Variants in OTOGL observed in about 807,000 individuals in gnomAD.
OTOGL encodes the protein otogelin like.
OTOGL carries 285 observed loss-of-function variants against 318.5 expected under a neutral mutation model. The ratio of observed to expected loss-of-function variants is 0.89; its 90% confidence interval spans 0.81 to 0.99. The LOEUF is 0.99. OTOGL is among the 50% of genes least tolerant of loss of function. The probability of loss-of-function intolerance (pLI) is 0.00; values close to 1 mark genes in which losing one functional copy is unlikely to be tolerated. For synonymous variants in OTOGL, 987 were observed against 936.5 expected, an observed-to-expected ratio of 1.05 and a Z score of -0.99; for missense variants, 2,899 against 2,845.6, an observed-to-expected ratio of 1.02 and a Z score of -0.43.
chr12:80,152,945 C>T lies in OTOGL; in HGVS notation c.-20+53340C>T, dbSNP rs575332369. On this transcript the variant is annotated intron_variant, in intron 1 of 58. Transcript: ENST00000547103. ...GTAACCTCAGGTGGTCCACCTGCCT[C>T]GGCCTCCCAAAGTGCTGGGATTACA... 1.6e-4 allele frequency among the ~76,000 whole-genome samples: 24 copies of T among 152,330 alleles called. No homozygotes were observed. The East Asian group carries it at 3.9e-3, about 24-fold the overall frequency.
chr12:80,124,460 G>T (rs1465859755), intron 1 of OTOGL, among the ~76,000 whole-genome samples: 2 of 152,196 alleles, frequency 1.3e-5, no homozygotes, highest in South Asian at 2.1e-4. Context: ...ATGGTTTGAA[G>T]TCAGGTAGCA....
intron 2 of OTOGL, among the ~76,000 whole-genome samples, chr12:80,210,502 ACAC>A: frequency 6.6e-6 from 1 of 152,204 alleles, no homozygotes; most frequent in East Asian, 1.9e-4. Context: ...AACTTGTCCA[ACAC>A]CATCATTTTA....
chr12:80,287,011 T>C (rs1260090668), intron 26 of OTOGL, among the ~76,000 whole-genome samples: 1 of 148,244 alleles, frequency 6.7e-6, no homozygotes, highest in Non-Finnish European at 1.5e-5. Context: ...CGCCTTCTGA[T>C]GTGGGCATTT....
intron 1 of OTOGL, among the ~76,000 whole-genome samples, chr12:80,150,089 A>T (rs1872689811): frequency 1.3e-5 from 2 of 152,118 alleles, no homozygotes; most frequent in African/African-American, 4.8e-5. Context: ...TTTTCTTTAT[A>T]TAGTGTCTGG....
intron 26 of OTOGL, among the ~76,000 whole-genome samples, chr12:80,281,751 G>A (rs1308958845): frequency 2.0e-5 from 3 of 151,702 alleles, no homozygotes; most frequent in African/African-American, 7.3e-5. Context: ...TAAACATTCT[G>A]TGCCTCTGTT....
chr12:80,379,301 C>T lies in OTOGL; in HGVS notation c.*1253C>T, dbSNP rs1891341700. The stretch of plus-strand genomic sequence containing the variant: ...ACAAAAGAACAGTAAAGTCTCATTG[C>T]AAAGCAGATACTGGGCCTCAAGGGT... On this transcript the variant is annotated 3_prime_UTR_variant, in exon 59 of 59. Transcript: ENST00000547103. 1 of 151,950 alleles carries T rather than the reference C, an allele frequency of 6.6e-6. No homozygotes were observed. The highest frequency in any genetic ancestry group is 1.5e-5 in the Non-Finnish European group (1 of 67,884). The allele number at this position is 151,950 out of a possible 1,614,324, so 9.4% of individuals were successfully genotyped here.
In OTOGL at chr12:80,243,784, C is replaced by A. The variant is rs192789362; in HGVS notation, c.1052+4345C>A. Among the ~76,000 whole-genome samples, 642 of 148,148 alleles carry A rather than the reference C, an allele frequency of 4.3e-3. 3 individuals carry two copies. The highest frequency in any genetic ancestry group is 0.015 in the African/African-American group (604 of 40,742). ...ATATATATAACAAATATATAATAAACACATTTTATATATAAAATATATATT... is the reference window on the plus strand; with the variant it reads ...ATATATATAACAAATATATAATAAAAACATTTTATATATAAAATATATATT... On this transcript the variant is annotated intron_variant, in intron 11 of 58. Transcript: ENST00000547103.
At chr12:80,152,332 A>G (rs1390100027) in intron 1 of OTOGL, among the ~76,000 whole-genome samples, 4 of 152,180 alleles carry the variant, frequency 2.6e-5, no homozygotes, top group Admixed American at 2.6e-4. Context: ...AGAGGTCTTG[A>G]GGCATAAGAA....
intron 1 of OTOGL, among the ~76,000 whole-genome samples, chr12:80,103,756 G>T (rs566313501): frequency 3.5e-4 from 53 of 152,088 alleles, no homozygotes; most frequent in Non-Finnish European, 1.2e-4. Flanking sequence ...TGGAAATACC[G>T]CTAGTATTAT....
intron 1 of OTOGL, among the ~76,000 whole-genome samples, chr12:80,168,814 C>A (rs1440794111): frequency 6.6e-6 from 1 of 152,150 alleles, no homozygotes; most frequent in African/African-American, 2.4e-5. Context: ...AAACTAGTTT[C>A]TAGTTTGGTG....
At chr12:80,293,013 T>G (rs1455312563) in intron 26 of OTOGL, among the ~76,000 whole-genome samples, 2 of 152,192 alleles carry the variant, frequency 1.3e-5, no homozygotes, top group Non-Finnish European at 2.9e-5. Flanking sequence ...CTTAAAACAC[T>G]TGATATTGCA....
At chr12:80,196,464 C>G (rs977070481) in intron 1 of OTOGL, among the ~76,000 whole-genome samples, 1 of 152,142 alleles carries the variant, frequency 6.6e-6, no homozygotes, top group Non-Finnish European at 1.5e-5. Context: ...TTATGACTGT[C>G]ATTCACTGCT....
intron 27 of OTOGL, among the ~76,000 whole-genome samples, chr12:80,302,350 A>T (rs1028538120): frequency 6.6e-6 from 1 of 152,134 alleles, no homozygotes. Context: ...TTCTGTGTCC[A>T]TTCCCTTGTT....
rs1201172602 is a variant in OTOGL at position 80,265,209 on chromosome 12, T to C, written c.2223T>C (p.Cys741=). ...PIDFRTQISF[C]AVVCQKGMLY... The stretch of plus-strand genomic sequence containing the variant: ...ATTTCAGAACTCAGATTTCTTTCTG[T>C]GGTGAGTACAATGGCACAGATAAAG... Residue 741 remains cysteine, a splice_region_variant and synonymous_variant, in exon 20 of 59, where the codon TGT becomes TGC. Coordinates refer to ENST00000547103, the MANE Select transcript of OTOGL (RefSeq NM_001378609.3). 3 of 1,612,032 alleles carry C rather than the reference T, an allele frequency of 1.9e-6. No individual in the cohort carries two copies. In the Admixed American group the frequency reaches 5.0e-5, roughly 27 times the overall value.
chr12:80,351,357 C>T (rs1413673566), intron 44 of OTOGL, among the ~76,000 whole-genome samples: 1 of 151,840 alleles, frequency 6.6e-6, no homozygotes, highest in East Asian at 1.9e-4. Context: ...CACTCTGTTG[C>T]CAGGCTGGAG....
chr12:80,323,607 C>A, intron 34 of OTOGL, 116 bp from the exon 35 acceptor site: 1 of 753,328 alleles, frequency 1.3e-6, no homozygotes, highest in Non-Finnish European at 2.2e-6. Context: ...CGAAATAGTG[C>A]CACTGCGCTC....
intron 13 of OTOGL, 137 bp from the exon 14 acceptor site, chr12:80,253,329 C>A: frequency 4.1e-6 from 3 of 723,154 alleles, no homozygotes; most frequent in South Asian, 3.8e-5. Flanking sequence ...TGTCAGTAAT[C>A]CCACTGAAAG....
At position 80,257,975 on chromosome 12, in the gene OTOGL, T is replaced by C. The variant is rs757325918; in HGVS notation, c.1862T>C (p.Phe621Ser). 10 of 1,591,648 alleles carry C rather than the reference T, an allele frequency of 6.3e-6. No individual in the cohort carries two copies. In the South Asian group the frequency reaches 1.1e-4, roughly 18 times the overall value. ...AGAACATTAGGTCTGTGTGGCACTT[T>C]TAATGGCAACATAAGGGATGATTTT... is the stretch of plus-strand genomic sequence containing the variant. ...KRRTLGLCGTFNGNIRDDFLS... is the reference protein window; with the variant it reads ...KRRTLGLCGTSNGNIRDDFLS... The change falls in exon 18 of 59, where the codon TTT becomes TCT. Residue 621 changes from phenylalanine (F) to serine (S), a missense_variant. Around this residue, in one of 3 missense-constraint regions of OTOGL, gnomAD observed 2,607 missense variants for 2,524.9 expected, o/e 1.03. Coordinates refer to ENST00000547103, the MANE Select transcript of OTOGL (RefSeq NM_001378609.3).
chr12:80,125,766 G>A (rs576690311), intron 1 of OTOGL, among the ~76,000 whole-genome samples: 22 of 152,192 alleles, frequency 1.4e-4, no homozygotes, highest in African/African-American at 4.3e-4. Flanking sequence ...TTTAGTCTTC[G>A]GAGGGTGTAT....
Sources: gnomAD v4.1 joint callset for allele counts (sites outside exome capture counted in the v4.1 genomes callset) on GRCh38, gnomAD v4.1.1 for gene constraint, gnomAD v4.1.1 regional missense constraint, MANE v1.5 for transcripts, NCBI Gene and HGNC (gene_info 2026-07-23, HGNC 2026-07-21) for gene names.